CDIN1: variants seen among roughly 807,000 people sequenced by gnomAD.
CDIN1 encodes the protein CDAN1 interacting nuclease 1.
Under a neutral mutation model 45.3 loss-of-function variants are expected in CDIN1, and 33 were observed. The observed-to-expected ratio is 0.73, with a 90% CI of 0.55 to 0.97. CDIN1 has a LOEUF of 0.97. Among genes scored for constraint, CDIN1 ranks in the 50% least tolerant of loss-of-function variants. CDIN1 has a pLI of 0.00. For missense variants in CDIN1, 303 were observed against 339.4 expected, an observed-to-expected ratio of 0.89 and a Z score of 0.84; for synonymous variants, 118 against 124.4, an observed-to-expected ratio of 0.95 and a Z score of 0.34.
At chr15:36,601,603 G>T (rs1355109889) in intron 1 of CDIN1, among the ~76,000 whole-genome samples, 1 of 152,178 alleles carries the variant, frequency 6.6e-6, no homozygotes, top group Non-Finnish European at 1.5e-5. Context: ...GAGCTCTTTG[G>T]TTTTCTCAGT....
chr15:36,709,975 A>AT lies in CDIN1; in HGVS notation c.716+19dup. The AT allele has an allele frequency of 6.3e-7, 1 of 1,575,026 alleles. No homozygotes were observed. Reference sequence around the variant, plus strand: ...CTACTGGAATAGGTAAGGTCTCATTATTTTTCTTTTAAGATAAACGATACT... The same window carrying AT: ...CTACTGGAATAGGTAAGGTCTCATTATTTTTTCTTTTAAGATAAACGATACT... On this transcript the variant is annotated intron_variant, in intron 10 of 10. Transcript: ENST00000566621.
rs1595633434 is a variant in CDIN1 at position 36,809,036 on chromosome 15, G to A, written c.*583G>A. 1 of 450,102 alleles carries A rather than the reference G, an allele frequency of 2.2e-6. No homozygotes were observed. Among genetic ancestry groups the A allele is most frequent in the South Asian group, 1.6e-5 (1 of 63,628 alleles). The allele number at this position is 450,102 out of a possible 1,614,324, so 27.9% of individuals were successfully genotyped here. A position where few individuals can be genotyped will look rare whatever the true frequency, so the allele number is the denominator to read the frequency against. The stretch of plus-strand genomic sequence containing the variant: ...ACCTTGATGGCAGCCTGCCTATGCT[G>A]TGTGTTTGCTATATTCAATCTTTAC... On this transcript the variant is annotated 3_prime_UTR_variant, in exon 11 of 11. Coordinates refer to ENST00000566621, the MANE Select transcript of CDIN1 (RefSeq NM_001321759.2).
chr15:36,650,654 G>C lies in CDIN1; in HGVS notation c.213-3444G>C, dbSNP rs533152616. ...GACAAGGTTTCACCATGCTGTGCAG[G>C]GAGGTCTCAAACTCCTGGCCTCAAA... On this transcript the variant is annotated intron_variant, in intron 3 of 10. Transcript: ENST00000566621. Among the ~76,000 whole-genome samples the C allele has an allele frequency of 5.3e-4, 81 of 151,976 alleles. No individual in the cohort carries two copies. The South Asian group carries it at 0.015, about 29-fold the overall frequency.
At chr15:36,801,753 T>G (rs774128414) in intron 10 of CDIN1, among the ~76,000 whole-genome samples, 145 of 152,206 alleles carry the variant, frequency 9.5e-4, no homozygotes, top group Non-Finnish European at 1.5e-3. Flanking sequence ...ATTCCCTAGC[T>G]TACTTCCACC....
At chr15:36,678,917 G>A (rs1036943768) in intron 5 of CDIN1, among the ~76,000 whole-genome samples, 14 of 152,208 alleles carry the variant, frequency 9.2e-5, no homozygotes, top group Admixed American at 5.2e-4. Context: ...GAAAGCAAGA[G>A]CTATAAAAAT....
At chr15:36,676,887 C>T (rs1441477361) in intron 5 of CDIN1, among the ~76,000 whole-genome samples, 3 of 151,998 alleles carry the variant, frequency 2.0e-5, no homozygotes, top group Non-Finnish European at 4.4e-5. Context: ...AATCTCTTAC[C>T]GTAAGTTTAA....
chr15:36,716,567 C>T (rs1317758274), intron 10 of CDIN1, among the ~76,000 whole-genome samples: 1 of 152,132 alleles, frequency 6.6e-6, no homozygotes, highest in African/African-American at 2.4e-5. Context: ...GTGTTAAAAT[C>T]ACATGCGGGT....
At chr15:36,608,569 C>T (rs1173268888) in intron 1 of CDIN1, among the ~76,000 whole-genome samples, 1 of 151,940 alleles carries the variant, frequency 6.6e-6, no homozygotes, top group Non-Finnish European at 1.5e-5. Flanking sequence ...AGATACAAGC[C>T]TTATATACGT....
intron 1 of CDIN1, chr15:36,594,880 A>G: frequency 1.0e-6 from 1 of 985,092 alleles, no homozygotes. Context: ...CTTTAATACC[A>G]CCCCATTTCC....
At chr15:36,602,246 TCCAATAA>T (rs2038143117) in intron 1 of CDIN1, among the ~76,000 whole-genome samples, 2 of 152,222 alleles carry the variant, frequency 1.3e-5, no homozygotes, top group Admixed American at 1.3e-4. Context: ...TCTAATGTCC[TCCAATAA>T]CCAAACTTTT....
intron 5 of CDIN1, among the ~76,000 whole-genome samples, chr15:36,687,424 A>G (rs1323408126): frequency 6.6e-6 from 1 of 152,200 alleles, no homozygotes; most frequent in Non-Finnish European, 1.5e-5. Flanking sequence ...ATAAAAAGAA[A>G]TGGAACACTA....
At chr15:36,704,479 G>A (rs1193521157) in intron 8 of CDIN1, 1 of 150,880 alleles carries the variant, frequency 6.6e-6, no homozygotes, top group African/African-American at 2.4e-5. Context: ...TTCTTAAATT[G>A]TATAGAAAAG....
intron 10 of CDIN1, among the ~76,000 whole-genome samples, chr15:36,781,635 T>G (rs960002204): frequency 6.6e-6 from 1 of 152,226 alleles, no homozygotes; most frequent in Non-Finnish European, 1.5e-5. Flanking sequence ...AGCACAGATA[T>G]CCTTTTCAGT....
chr15:36,807,795 G>A (rs1410869781), intron 10 of CDIN1, among the ~76,000 whole-genome samples: 1 of 152,216 alleles, frequency 6.6e-6, no homozygotes, highest in Non-Finnish European at 1.5e-5. Context: ...ATGGATGACA[G>A]GAGGTACTTC....
chr15:36,621,001 T>C (rs1286782744), intron 1 of CDIN1, among the ~76,000 whole-genome samples: 1 of 152,232 alleles, frequency 6.6e-6, no homozygotes, highest in East Asian at 1.9e-4. Context: ...AGCTCTCATA[T>C]ACTAAATACA....
intron 10 of CDIN1, among the ~76,000 whole-genome samples, chr15:36,792,243 A>G (rs990649291): frequency 6.6e-6 from 1 of 152,154 alleles, no homozygotes. Context: ...TAGAGTTTGT[A>G]AAGTAAAACT....
chr15:36,625,377 G>A (rs574453218), intron 1 of CDIN1, among the ~76,000 whole-genome samples: 9 of 152,178 alleles, frequency 5.9e-5, no homozygotes, highest in East Asian at 1.9e-4. Flanking sequence ...TTATGGTCAC[G>A]GAATTAAATT....
intron 1 of CDIN1, among the ~76,000 whole-genome samples, chr15:36,620,395 A>T (rs2039129023): frequency 6.6e-6 from 1 of 152,190 alleles, no homozygotes; most frequent in African/African-American, 2.4e-5. Flanking sequence ...ATTGAAAATT[A>T]TCTTGGACCT....
chr15:36,774,130 A>AGGGG (rs199623734), intron 10 of CDIN1, among the ~76,000 whole-genome samples: 1 of 125,858 alleles, frequency 7.9e-6, no homozygotes, highest in Non-Finnish European at 1.5e-5. Context: ...AGTAACTGAC[A>AGGGG]GGGGTGTGTG....
Sources: allele counts gnomAD v4.1 joint callset (sites outside exome capture counted in the v4.1 genomes callset), GRCh38; gene constraint gnomAD v4.1.1; transcripts MANE v1.5; gene names NCBI Gene and HGNC (gene_info 2026-07-23, HGNC 2026-07-21).